LRRC28: variants seen among roughly 807,000 people sequenced by gnomAD.
LRRC28 encodes leucine rich repeat containing 28.
LRRC28 carries 39 observed loss-of-function variants against 45.7 expected under a neutral mutation model. The ratio of observed to expected loss-of-function variants is 0.85; its 90% CI spans 0.66 to 1.12. The LOEUF is 1.12. LRRC28 is among the 50% of genes most tolerant of loss of function. LRRC28 has a pLI of 0.00. For synonymous variants in LRRC28, 206 were observed against 178.8 expected (o/e 1.15, Z -1.22); for missense variants, 435 against 438.5 (o/e 0.99, Z 0.07).
At chr15:99,299,429 G>C (rs986828661) in intron 5 of LRRC28, among the ~76,000 whole-genome samples, 2 of 151,990 alleles carry the variant, frequency 1.3e-5, no homozygotes, top group Non-Finnish European at 2.9e-5. Flanking sequence ...ATATAATATA[G>C]ATTTCATATA....
At chr15:99,285,270 C>T (rs559758718) in intron 3 of LRRC28, 5 of 735,416 alleles carry the variant, frequency 6.8e-6, no homozygotes, top group South Asian at 6.7e-5. Flanking sequence ...ATCTTTTTCA[C>T]AGTTAAGTAG....
chr15:99,293,508 G>A (rs995852963), intron 5 of LRRC28, among the ~76,000 whole-genome samples: 56 of 141,424 alleles, frequency 4.0e-4, no homozygotes, highest in South Asian at 6.8e-4. Flanking sequence ...CAGGAGAATC[G>A]CTTGAACACA....
intron 5 of LRRC28, among the ~76,000 whole-genome samples, chr15:99,326,877 T>C (rs1955996764): frequency 6.6e-6 from 1 of 152,228 alleles, no homozygotes; most frequent in African/African-American, 2.4e-5. Context: ...TGTATGGTTT[T>C]AGTATCAGGG....
intron 9 of LRRC28, among the ~76,000 whole-genome samples, chr15:99,366,421 G>A (rs1367683932): frequency 6.6e-6 from 1 of 152,162 alleles, no homozygotes; most frequent in Non-Finnish European, 1.5e-5. Flanking sequence ...CAAGGACATT[G>A]TTCCCAAATA....
intron 1 of LRRC28, chr15:99,251,912 T>C (rs773776933): frequency 1.3e-5 from 2 of 152,262 alleles, no homozygotes; most frequent in Non-Finnish European, 2.9e-5. Flanking sequence ...GCTTTTAATA[T>C]GTAGCTTATA....
At chr15:99,344,426 A>G (rs1472904998) in intron 6 of LRRC28, among the ~76,000 whole-genome samples, 2 of 152,038 alleles carry the variant, frequency 1.3e-5, no homozygotes, top group Non-Finnish European at 2.9e-5. Flanking sequence ...TGGAAAGTTT[A>G]AGTGTCTGTA....
intron 5 of LRRC28, among the ~76,000 whole-genome samples, chr15:99,296,242 TAGGAGTGAC>T (rs2082259143): frequency 6.6e-6 from 1 of 152,224 alleles, no homozygotes; most frequent in South Asian, 2.1e-4. Flanking sequence ...TTACAGTTTC[TAGGAGTGAC>T]AGGTGGCCCA....
chr15:99,264,243 A>T (rs2081276422), intron 2 of LRRC28, among the ~76,000 whole-genome samples: 2 of 152,216 alleles, frequency 1.3e-5, no homozygotes, highest in African/African-American at 4.8e-5. Flanking sequence ...AGGTAGGCGC[A>T]TGATAGAGGA....
chr15:99,349,786 T>G (rs1165162275), intron 6 of LRRC28, among the ~76,000 whole-genome samples: 1 of 152,174 alleles, frequency 6.6e-6, no homozygotes, highest in Admixed American at 6.5e-5. Flanking sequence ...AACAGGCAAT[T>G]TACAAAATGT....
chr15:99,287,275 C>A lies in LRRC28; in HGVS notation c.228C>A (p.Asn76Lys), dbSNP rs2081984118. The part of the protein sequence containing the change: ...NLVELYLHSN[N>K]IVVVPEAIGS... Reference sequence around the variant, plus strand: ...TTCCTAGATACCTGCACTCAAATAACATAGTTGTGGTTCCGGAAGGTATGT... The same window carrying A: ...TTCCTAGATACCTGCACTCAAATAAAATAGTTGTGGTTCCGGAAGGTATGT... The change falls in exon 4 of 10, where the codon AAC (asparagine) becomes AAA (lysine). Residue 76 changes from asparagine to lysine, a missense_variant. Transcript: ENST00000301981. 3 of 1,567,976 alleles carry A rather than the reference C, an allele frequency of 1.9e-6. No individual in the cohort carries two copies. The highest frequency in any genetic ancestry group is 2.6e-6 in the Non-Finnish European group (3 of 1,160,310).
chr15:99,343,708 A>G (rs1452204447), intron 6 of LRRC28, among the ~76,000 whole-genome samples: 2 of 152,210 alleles, frequency 1.3e-5, no homozygotes, highest in African/African-American at 4.8e-5. Flanking sequence ...ATTGTAAGGT[A>G]TCGGTGCATT....
rs924786333 is a variant in LRRC28 at position 99,363,284 on chromosome 15, G to A, written c.1031+19G>A. On this transcript the variant is annotated intron_variant, in intron 9 of 9. Transcript: ENST00000301981. The stretch of plus-strand genomic sequence containing the variant: ...ACCAGTGGTAATCATGCCTAAGTGG[G>A]CACCAGGGTTTACACCCAGGCAAGG... 2 of 1,613,076 alleles carry A rather than the reference G, an allele frequency of 1.2e-6. No individual in the cohort carries two copies. Among genetic ancestry groups the A allele is most frequent in the Non-Finnish European group, 8.5e-7 (1 of 1,179,540 alleles).
intron 9 of LRRC28, among the ~76,000 whole-genome samples, chr15:99,383,789 G>A (rs975896269): frequency 1.3e-5 from 2 of 152,050 alleles, no homozygotes; most frequent in African/African-American, 4.8e-5. Flanking sequence ...AGCAGGGTCC[G>A]CCACCCTGGG....
At chr15:99,293,896 T>A (rs1179726792) in intron 5 of LRRC28, among the ~76,000 whole-genome samples, 1 of 152,182 alleles carries the variant, frequency 6.6e-6, no homozygotes, top group East Asian at 1.9e-4. Flanking sequence ...TCTCAGTTTT[T>A]CTTTATGCAA....
chr15:99,320,409 G>A (rs1955755087), intron 5 of LRRC28, among the ~76,000 whole-genome samples: 1 of 152,168 alleles, frequency 6.6e-6, no homozygotes, highest in East Asian at 1.9e-4. Context: ...CCTAAGTAGT[G>A]TATTACTAAG....
At chr15:99,347,660 C>G (rs1289658213) in intron 6 of LRRC28, among the ~76,000 whole-genome samples, 2 of 152,158 alleles carry the variant, frequency 1.3e-5, no homozygotes, top group East Asian at 3.8e-4. Context: ...TACCACATTT[C>G]TTTATCTAGT....
intron 3 of LRRC28, among the ~76,000 whole-genome samples, chr15:99,279,518 A>G (rs1353657578): frequency 1.3e-5 from 2 of 152,214 alleles, no homozygotes; most frequent in Admixed American, 1.3e-4. Context: ...CCTTGAGACA[A>G]ATCTTTGACA....
At chr15:99,276,292 A>G (rs1279870497) in intron 2 of LRRC28, among the ~76,000 whole-genome samples, 3 of 151,986 alleles carry the variant, frequency 2.0e-5, no homozygotes, top group Admixed American at 1.3e-4. Context: ...AACCACCCCC[A>G]CAACCTTGTC....
intron 1 of LRRC28, chr15:99,252,132 T>G (rs984992863): frequency 4.6e-5 from 7 of 152,236 alleles, no homozygotes; most frequent in African/African-American, 1.7e-4. Flanking sequence ...TGCAGCTGTA[T>G]ACAGCTGATA....
Sources: gnomAD v4.1 joint callset for allele counts (sites outside exome capture counted in the v4.1 genomes callset) on GRCh38, gnomAD v4.1.1 for gene constraint, MANE v1.5 for transcripts, NCBI Gene and HGNC (gene_info 2026-07-23, HGNC 2026-07-21) for gene names.